FRMD6: variants seen among roughly 807,000 people sequenced by gnomAD.
FRMD6 encodes the protein FERM domain-containing protein 6.
In FRMD6, 37 loss-of-function variants were observed where a neutral mutation model predicts 73.2. The ratio of observed to expected loss-of-function variants is 0.51; its 90% CI spans 0.39 to 0.66. The LOEUF (loss-of-function observed/expected upper bound fraction) is 0.66. Ranked by LOEUF, FRMD6 falls within the 30% of genes least tolerant of loss-of-function variation. The pLI is 0.00. For missense variants in FRMD6, 714 were observed against 780.5 expected, an observed-to-expected ratio of 0.91 and a Z score of 1.02; for synonymous variants, 273 against 282.2, an observed-to-expected ratio of 0.97 and a Z score of 0.33.
At chr14:51,713,758 T>C (rs1399761998) in intron 9 of FRMD6, 4 of 152,236 alleles carry the variant, frequency 2.6e-5, no homozygotes, top group African/African-American at 9.6e-5. Flanking sequence ...ATACATTACA[T>C]GGGGCCTAAC....
the FRMD6 span, among the ~76,000 whole-genome samples, chr14:51,427,377 G>T: frequency 6.6e-6 from 1 of 152,182 alleles, no homozygotes; most frequent in African/African-American, 2.4e-5. Flanking sequence ...AAAGAAAGAG[G>T]TACAATTTGG....
intron 1 of FRMD6, among the ~76,000 whole-genome samples, chr14:51,491,173 C>T (rs1262102548): frequency 6.6e-6 from 1 of 152,192 alleles, no homozygotes. Flanking sequence ...CCTCAACAAA[C>T]ATTCTTGAAC....
intron 1 of FRMD6, among the ~76,000 whole-genome samples, chr14:51,673,907 C>A (rs987244522): frequency 5.9e-5 from 9 of 152,142 alleles, no homozygotes; most frequent in African/African-American, 2.2e-4. Flanking sequence ...TTATCAGAAT[C>A]TTTGCTTTTA....
At chr14:51,613,534 A>G (rs1890594666) in intron 2 of FRMD6, among the ~76,000 whole-genome samples, 1 of 152,194 alleles carries the variant, frequency 6.6e-6, no homozygotes, top group Non-Finnish European at 1.5e-5. Flanking sequence ...GTGGTAAAGT[A>G]ATGAATGGAT....
intron 2 of FRMD6, among the ~76,000 whole-genome samples, chr14:51,632,760 A>G (rs1891387819): frequency 6.6e-6 from 1 of 152,226 alleles, no homozygotes; most frequent in Non-Finnish European, 1.5e-5. Flanking sequence ...AGAGAAGCCT[A>G]GAGGGCCAGC....
chr14:51,535,504 C>A (rs557920171), intron 1 of FRMD6, among the ~76,000 whole-genome samples: 9 of 152,272 alleles, frequency 5.9e-5, no homozygotes, highest in Admixed American at 5.2e-4. Flanking sequence ...TGGCTTCTTT[C>A]ACTTGGCAAA....
intron 2 of FRMD6, chr14:51,643,833 C>T (rs1458243152): frequency 1.3e-5 from 2 of 152,198 alleles, no homozygotes; most frequent in Non-Finnish European, 2.9e-5. Flanking sequence ...TCAAACTATT[C>T]TGTTCCCAAG....
intron 1 of FRMD6, among the ~76,000 whole-genome samples, chr14:51,664,176 A>G (rs1185290662): frequency 6.6e-6 from 1 of 152,234 alleles, no homozygotes; most frequent in East Asian, 1.9e-4. Context: ...CCTGGAAGCC[A>G]TCATTCACAG....
At chr14:51,631,266 A>C (rs1891326256) in intron 2 of FRMD6, among the ~76,000 whole-genome samples, 1 of 152,220 alleles carries the variant, frequency 6.6e-6, no homozygotes, top group Admixed American at 6.5e-5. Flanking sequence ...AATATATAGA[A>C]GGAACGGAGC....
chr14:51,462,353 C>T, the FRMD6 span, among the ~76,000 whole-genome samples: 3 of 152,190 alleles, frequency 2.0e-5, no homozygotes, highest in African/African-American at 7.2e-5. Context: ...ATGGGAGATG[C>T]TGTGTACGTG....
chr14:51,656,173 T>C (rs569221062), intron 1 of FRMD6, among the ~76,000 whole-genome samples: 2 of 152,356 alleles, frequency 1.3e-5, no homozygotes, highest in Non-Finnish European at 2.9e-5. Context: ...ATGATCACTT[T>C]TTGTATATAT....
At chr14:51,576,412 G>A (rs1018766109) in intron 2 of FRMD6, among the ~76,000 whole-genome samples, 6 of 152,164 alleles carry the variant, frequency 3.9e-5, no homozygotes, top group African/African-American at 1.4e-4. Context: ...TCAACATAAC[G>A]TAGTTTGCCC....
intron 1 of FRMD6, among the ~76,000 whole-genome samples, chr14:51,664,586 A>G (rs532131427): frequency 2.6e-4 from 40 of 152,374 alleles, no homozygotes; most frequent in Non-Finnish European, 4.0e-4. Context: ...TGGTAATACC[A>G]AAGTATAGTA....
At chr14:51,484,113 T>TA (rs951175330), upstream of FRMD6, among the ~76,000 whole-genome samples, 10 of 152,296 alleles carry the variant, frequency 6.6e-5, no homozygotes, top group East Asian at 3.9e-4. Flanking sequence ...GCTTTTCCAT[T>TA]AAAAAAATCT....
intron 2 of FRMD6, among the ~76,000 whole-genome samples, chr14:51,629,228 G>A (rs1037985262): frequency 6.6e-6 from 1 of 152,120 alleles, no homozygotes; most frequent in African/African-American, 2.4e-5. Flanking sequence ...CATCCACGTT[G>A]TTGCACATAT....
At chr14:51,696,382 TTATTATTTGTAATAATAATACAAA>T (rs1895942981) in intron 2 of FRMD6, among the ~76,000 whole-genome samples, 2 of 151,004 alleles carry the variant, frequency 1.3e-5, no homozygotes, top group African/African-American at 2.4e-5. Flanking sequence ...GAGATAATAA[TTATTATTTGTAATAATAATACAAA>T]TATTATTTGT....
intron 5 of FRMD6, 65 bp from the exon 6 acceptor site, chr14:51,704,684 T>C: frequency 7.4e-7 from 1 of 1,352,674 alleles, no homozygotes; most frequent in Non-Finnish European, 1.0e-6. Flanking sequence ...AGGATTTGGG[T>C]TCTGTTTACA....
intron 2 of FRMD6, chr14:51,578,954 T>G (rs1888557214): frequency 6.6e-6 from 1 of 152,196 alleles, no homozygotes; most frequent in African/African-American, 2.4e-5. Context: ...ATGATAGGTT[T>G]CCTTTTCTTC....
chr14:51,650,279 C>T (rs1691857679), upstream of FRMD6: 1 of 148,800 alleles, frequency 6.7e-6, no homozygotes, highest in Non-Finnish European at 1.5e-5. Flanking sequence ...AAGAGAGCTT[C>T]AGCTGTAAAT....
Sources: gnomAD v4.1 joint callset for allele counts (sites outside exome capture counted in the v4.1 genomes callset) on GRCh38, gnomAD v4.1.1 for gene constraint, MANE v1.5 for transcripts, NCBI Gene and HGNC (gene_info 2026-07-23, HGNC 2026-07-21) for gene names.